The following MAMDC2 variants were observed in gnomAD, a reference collection of about 807,000 sequenced individuals.
MAMDC2 encodes MAM domain-containing protein 2.
In MAMDC2, 57 loss-of-function variants were observed where a neutral mutation model predicts 89.8. That is an observed-to-expected ratio of 0.63 (90% confidence interval 0.51 to 0.79). The LOEUF (loss-of-function observed/expected upper bound fraction) is 0.79, where lower values mean the gene tolerates loss of function less well. Among genes scored for constraint, MAMDC2 ranks in the 30% least tolerant of loss-of-function variants. The probability of loss-of-function intolerance (pLI) is 0.00; values close to 1 mark genes in which losing one functional copy is unlikely to be tolerated. For missense variants in MAMDC2, 800 were observed against 820.6 expected, an observed-to-expected ratio of 0.97 and a Z score of 0.31; for synonymous variants, 313 against 293.4, an observed-to-expected ratio of 1.07 and a Z score of -0.68.
rs11788113 is a variant in MAMDC2, at chr9:70,123,593, G to A, written c.644-2566G>A. Among the ~76,000 whole-genome samples the A allele has an allele frequency of 2.9e-3, 435 of 152,268 alleles. 7 individuals carry two copies. Among genetic ancestry groups the A allele is most frequent in the Middle Eastern group, 0.01 (3 of 294 alleles). On this transcript the variant is annotated intron_variant, in intron 5 of 13. Transcript: ENST00000377182. ...GCACAGTCAAAATTCAAATGTTGAA[G>A]TCCTAACCCCCAGGACTTAGAATGT...
chr9:70,067,012 C>T (rs1469648522), intron 2 of MAMDC2, among the ~76,000 whole-genome samples: 2 of 152,154 alleles, frequency 1.3e-5, no homozygotes, highest in African/African-American at 4.8e-5. Context: ...GAGGGTGCTC[C>T]TGGGATCAAC....
At chr9:70,207,496 ATTTGT>A (rs199524710) in intron 11 of MAMDC2, among the ~76,000 whole-genome samples, 10,480 of 152,056 alleles carry the variant, frequency 0.069, 567 homozygotes, top group East Asian at 0.22. Flanking sequence ...TTTCTTGTTA[ATTTGT>A]TTTAAGTTCT....
chr9:70,204,980 G>A (rs1021423862), intron 11 of MAMDC2, among the ~76,000 whole-genome samples: 4 of 152,164 alleles, frequency 2.6e-5, no homozygotes, highest in Non-Finnish European at 4.4e-5. Context: ...AGATGCACCC[G>A]GTACCTCAGA....
At chr9:70,073,994 T>G (rs1827470090) in intron 2 of MAMDC2, among the ~76,000 whole-genome samples, 2 of 152,202 alleles carry the variant, frequency 1.3e-5, no homozygotes, top group Non-Finnish European at 2.9e-5. Flanking sequence ...ATGAAAGCCA[T>G]GGATTCTCTC....
chr9:70,107,070 G>A (rs374055018), intron 2 of MAMDC2, among the ~76,000 whole-genome samples: 17 of 152,110 alleles, frequency 1.1e-4, no homozygotes, highest in Non-Finnish European at 2.4e-4. Context: ...GCCACAGGAC[G>A]AAAGACAGCA....
chr9:70,096,692 T>C (rs571306367), intron 2 of MAMDC2, among the ~76,000 whole-genome samples: 7 of 152,056 alleles, frequency 4.6e-5, no homozygotes, highest in Non-Finnish European at 1.0e-4. Flanking sequence ...GTTACTGCTA[T>C]GGTAAGGAAG....
chr9:70,143,844 T>C (rs1381538915), intron 9 of MAMDC2, 25 bp downstream of exon 9: 1 of 1,609,226 alleles, frequency 6.2e-7, no homozygotes, highest in Non-Finnish European at 8.5e-7. Context: ...ATTTCTCCTG[T>C]GTCCATGTTC....
At chr9:70,203,264 C>T (rs2033145073) in intron 11 of MAMDC2, among the ~76,000 whole-genome samples, 6 of 152,068 alleles carry the variant, frequency 3.9e-5, no homozygotes, top group Middle Eastern at 3.2e-3. Flanking sequence ...GTGACAAAAT[C>T]GGTCAGCATT....
intron 2 of MAMDC2, among the ~76,000 whole-genome samples, chr9:70,079,876 G>T (rs72710474): frequency 6.4e-4 from 98 of 152,056 alleles, no homozygotes; most frequent in Non-Finnish European, 1.3e-3. Context: ...TGGCTGAGTG[G>T]GAGCATGTGC....
At chr9:70,161,500 G>A (rs1299369175) in intron 9 of MAMDC2, among the ~76,000 whole-genome samples, 1 of 152,228 alleles carries the variant, frequency 6.6e-6, no homozygotes, top group Non-Finnish European at 1.5e-5. Context: ...TTTTGTGGGA[G>A]ATGAAGACCA....
intron 2 of MAMDC2, among the ~76,000 whole-genome samples, chr9:70,083,082 A>G (rs1442529948): frequency 4.6e-5 from 7 of 152,208 alleles, no homozygotes; most frequent in Non-Finnish European, 1.0e-4. Context: ...AAAAACAAAA[A>G]GGAATCATAG....
rs139110546 is a variant in MAMDC2, at chr9:70,136,361, G to A, written c.995-3784G>A. ...TTAAGTTTACTCCGTATCATTTTGC[G>A]GCTTGATAGCTCATTTCTTCTTAGC... On this transcript the variant is annotated intron_variant, in intron 7 of 13. Coordinates refer to ENST00000377182, the MANE Select transcript of MAMDC2 (RefSeq NM_153267.5). 3.7e-3 allele frequency among the ~76,000 whole-genome samples: 560 copies of A among 152,192 alleles called. 3 individuals are homozygous for A. The highest frequency in any genetic ancestry group is 0.012 in the African/African-American group (518 of 41,502).
At chr9:70,149,346 C>T (rs2031512433) in intron 9 of MAMDC2, among the ~76,000 whole-genome samples, 1 of 151,922 alleles carries the variant, frequency 6.6e-6, no homozygotes, top group Non-Finnish European at 1.5e-5. Flanking sequence ...CTCTTGGGAT[C>T]ACCACTGAAG....
chr9:70,173,402 A>C (rs553937626), intron 11 of MAMDC2, among the ~76,000 whole-genome samples: 3 of 152,308 alleles, frequency 2.0e-5, no homozygotes, highest in African/African-American at 7.2e-5. Context: ...CAAATGAATA[A>C]ATGAATCTAT....
intron 11 of MAMDC2, chr9:70,216,455 C>T (rs1381665821): frequency 6.6e-6 from 1 of 152,158 alleles, no homozygotes; most frequent in Non-Finnish European, 1.5e-5. Flanking sequence ...TCCCTGCTGT[C>T]TCTTCTTATA....
chr9:70,172,564 A>G (rs2032381731), intron 11 of MAMDC2: 1 of 152,422 alleles, frequency 6.6e-6, no homozygotes, highest in South Asian at 2.1e-4. Context: ...ACCCACATAG[A>G]TTTTTCTGTT....
At chr9:70,124,597 C>T (rs1041165411) in intron 5 of MAMDC2, among the ~76,000 whole-genome samples, 2 of 152,180 alleles carry the variant, frequency 1.3e-5, no homozygotes, top group African/African-American at 4.8e-5. Context: ...CCACCACATA[C>T]CGGGCTATGT....
intron 2 of MAMDC2, among the ~76,000 whole-genome samples, chr9:70,097,245 G>C (rs1828052092): frequency 6.6e-6 from 1 of 152,212 alleles, no homozygotes; most frequent in Admixed American, 6.5e-5. Context: ...TGGAGGTTCT[G>C]TAGTTGTCGG....
chr9:70,199,834 C>A (rs1418627415), intron 11 of MAMDC2, among the ~76,000 whole-genome samples: 1 of 148,030 alleles, frequency 6.8e-6, no homozygotes, highest in East Asian at 2.0e-4. Context: ...TGTTTTTTGG[C>A]TGCATAAATG....
Sources: allele counts gnomAD v4.1 joint callset (sites outside exome capture counted in the v4.1 genomes callset), GRCh38; gene constraint gnomAD v4.1.1; transcripts MANE v1.5; gene names NCBI Gene and HGNC (gene_info 2026-07-23, HGNC 2026-07-21).